Variants in CLIC5 observed in about 807,000 individuals in gnomAD.
CLIC5 encodes the protein chloride intracellular channel protein 5.
In CLIC5, 20 loss-of-function variants were observed where a neutral mutation model predicts 24.7. The observed-to-expected ratio is 0.81, with a 90% confidence interval of 0.57 to 1.18. The LOEUF is 1.18. CLIC5 is among the 50% of genes most tolerant of loss of function. The probability of loss-of-function intolerance (pLI) is 0.00; values close to 1 mark genes in which losing one functional copy is unlikely to be tolerated. For synonymous variants in CLIC5, 159 were observed against 135.6 expected (o/e 1.17, Z -1.20); for missense variants, 341 against 326.1 (o/e 1.05, Z -0.35).
the CLIC5 span, among the ~76,000 whole-genome samples, chr6:46,094,965 T>C: frequency 9.2e-5 from 14 of 152,232 alleles, no homozygotes; most frequent in African/African-American, 2.9e-4. Context: ...ATCTAGGTAG[T>C]AGAGCCTCAA....
Position 45,947,774 on chromosome 6 carries a change from T to C in CLIC5, c.299+1482A>G, listed in dbSNP as rs190384006. Among the ~76,000 whole-genome samples the C allele has an allele frequency of 4.6e-5, 7 of 152,272 alleles. No homozygotes were observed. In the East Asian group the frequency reaches 9.7e-4, roughly 21 times the overall value. ...CTGGGCTCCCTCAGGGCAATTCCAG[T>C]GAAGTGGCTGGCTGGTGTCCTCTTC... On this transcript the variant is annotated intron_variant, in intron 3 of 5. Coordinates refer to ENST00000339561, the MANE Select transcript of CLIC5 (RefSeq NM_016929.5).
chr6:45,968,195 A>G (rs1765079357), intron 1 of CLIC5, among the ~76,000 whole-genome samples: 1 of 152,102 alleles, frequency 6.6e-6, no homozygotes, highest in South Asian at 2.1e-4. Context: ...ACCATCATGC[A>G]TCTCTAAACC....
chr6:45,977,589 C>A lies in CLIC5; in HGVS notation c.64-22345G>T, dbSNP rs1247464362. On this transcript the variant is annotated intron_variant, in intron 1 of 5. Transcript: ENST00000339561. ...CTCCTTGAGCTGCCTCTCAGGGACC[C>A]TTTCTTTTTCCAGGGTTATAAATTC... Among the ~76,000 whole-genome samples the A allele has an allele frequency of 2.0e-5, 3 of 152,084 alleles. No individual in the cohort carries two copies. The East Asian group carries it at 5.8e-4, about 29-fold the overall frequency.
the CLIC5 span, among the ~76,000 whole-genome samples, chr6:46,113,092 T>G: frequency 6.6e-6 from 1 of 151,778 alleles, no homozygotes; most frequent in South Asian, 2.1e-4. Context: ...CCAGGCCAGG[T>G]TGTTAAGGAT....
chr6:45,913,050 A>G (rs1293641898), intron 5 of CLIC5, among the ~76,000 whole-genome samples: 1 of 152,228 alleles, frequency 6.6e-6, no homozygotes, highest in Non-Finnish European at 1.5e-5. Flanking sequence ...ATAGGCATAT[A>G]CTCAGCTGAC....
chr6:46,089,859 T>C, the CLIC5 span, among the ~76,000 whole-genome samples: 5 of 152,226 alleles, frequency 3.3e-5, no homozygotes, highest in East Asian at 5.8e-4. Context: ...TTGGGACATA[T>C]TTTCTTTTAA....
At chr6:46,085,589 G>C in the CLIC5 span, among the ~76,000 whole-genome samples, 1 of 152,212 alleles carries the variant, frequency 6.6e-6, no homozygotes, top group South Asian at 2.1e-4. Flanking sequence ...CAGAACAGCA[G>C]ATTTTCGTGA....
intron 1 of CLIC5, among the ~76,000 whole-genome samples, chr6:46,075,096 G>C (rs536058353): frequency 6.6e-6 from 1 of 152,260 alleles, no homozygotes; most frequent in South Asian, 2.1e-4. Context: ...CCATATGTCA[G>C]ATACTATATT....
chr6:46,015,589 T>G lies in CLIC5; in HGVS notation c.-47A>C. ...CGTCCCGGGCCGGGGAGGCGCCACCTCTGCAGCACCTGGGCCAGCACTCTG... is the reference window on the plus strand; with the variant it reads ...CGTCCCGGGCCGGGGAGGCGCCACCGCTGCAGCACCTGGGCCAGCACTCTG... On this transcript the variant is annotated 5_prime_UTR_variant, in exon 1 of 6. Transcript: ENST00000339561. 1 of 1,534,110 alleles carries G rather than the reference T, an allele frequency of 6.5e-7. No homozygotes were observed. Among genetic ancestry groups the G allele is most frequent in the South Asian group, 1.2e-5 (1 of 81,658 alleles).
chr6:46,076,467 T>C (rs1194242512), intron 1 of CLIC5, among the ~76,000 whole-genome samples: 1 of 151,816 alleles, frequency 6.6e-6, no homozygotes, highest in East Asian at 1.9e-4. Context: ...GCAAGGAGAG[T>C]CGGAAGAAGG....
the CLIC5 span, among the ~76,000 whole-genome samples, chr6:46,095,181 C>T: frequency 7.9e-5 from 12 of 152,150 alleles, no homozygotes; most frequent in African/African-American, 2.7e-4. Flanking sequence ...CCATTCTTCC[C>T]TCCTACGCCT....
intron 2 of CLIC5, among the ~76,000 whole-genome samples, chr6:45,953,857 C>A (rs1764551502): frequency 6.6e-6 from 1 of 151,894 alleles, no homozygotes; most frequent in South Asian, 2.1e-4. Context: ...CAGTTGTAGG[C>A]TTTGAGAATG....
chr6:45,890,995 T>C (rs1050250490), intron 6 of CLIC5, among the ~76,000 whole-genome samples: 1 of 152,104 alleles, frequency 6.6e-6, no homozygotes, highest in Non-Finnish European at 1.5e-5. Context: ...GGAATAAGTG[T>C]TGGCAATCTA....
intron 4 of CLIC5, among the ~76,000 whole-genome samples, chr6:45,924,270 C>A (rs894028451): frequency 2.0e-5 from 3 of 152,170 alleles, no homozygotes; most frequent in Non-Finnish European, 4.4e-5. Flanking sequence ...AGTCCCCCAG[C>A]CGAAAGCCTT....
At chr6:46,125,424 T>A in the CLIC5 span, among the ~76,000 whole-genome samples, 1 of 151,932 alleles carries the variant, frequency 6.6e-6, no homozygotes, top group Admixed American at 6.6e-5. Context: ...CAGGGCCTGT[T>A]GTGGGGTGGG....
chr6:46,053,072 C>CA (rs1491529720), intron 1 of CLIC5, among the ~76,000 whole-genome samples: 6 of 151,802 alleles, frequency 4.0e-5, no homozygotes, highest in African/African-American at 1.2e-4. Context: ...AATCATTGAG[C>CA]AAAAAAGCAA....
chr6:45,999,427 C>T (rs1302014513), intron 1 of CLIC5, among the ~76,000 whole-genome samples: 1 of 152,084 alleles, frequency 6.6e-6, no homozygotes, highest in African/African-American at 2.4e-5. Flanking sequence ...CCTCAAATCT[C>T]AGGAGAAAAG....
intron 4 of CLIC5, among the ~76,000 whole-genome samples, chr6:45,923,927 T>G (rs2127335291): frequency 6.6e-6 from 1 of 152,288 alleles, no homozygotes; most frequent in East Asian, 1.9e-4. Flanking sequence ...TTTCCTTCTC[T>G]GCAAAGTGGA....
rs142401234 is a variant in CLIC5 at position 45,962,879 on chromosome 6, C to A, written c.64-7635G>T. Among the ~76,000 whole-genome samples, 488 of 152,278 alleles carry A rather than the reference C, an allele frequency of 3.2e-3. 5 individuals are homozygous for A. The highest frequency in any genetic ancestry group is 0.011 in the African/African-American group (460 of 41,578). On this transcript the variant is annotated intron_variant, in intron 1 of 5. Coordinates refer to ENST00000339561, the MANE Select transcript of CLIC5 (RefSeq NM_016929.5). Reference sequence around the variant, plus strand: ...TTGCACAGTGCCACTGTGTTCATGGCCCATTGGGGTGTCTGTCCTTTAGCC... The same window carrying A: ...TTGCACAGTGCCACTGTGTTCATGGACCATTGGGGTGTCTGTCCTTTAGCC...
Sources: allele counts gnomAD v4.1 joint callset (sites outside exome capture counted in the v4.1 genomes callset), GRCh38; gene constraint gnomAD v4.1.1; transcripts MANE v1.5; gene names NCBI Gene and HGNC (gene_info 2026-07-23, HGNC 2026-07-21).